The following CCDC102B variants were observed in gnomAD, a reference collection of about 807,000 sequenced individuals.
The protein encoded by CCDC102B is coiled-coil domain-containing protein 102B.
Under a neutral mutation model 57.4 loss-of-function variants are expected in CCDC102B, and 75 were observed. The ratio of observed to expected loss-of-function variants is 1.31; its 90% CI spans 1.08 to 1.58. The LOEUF is 1.58. Among genes scored for constraint, CCDC102B ranks in the 40% most tolerant of loss-of-function variants. The pLI is 0.00. For missense variants in CCDC102B, 636 were observed against 582.6 expected, an observed-to-expected ratio of 1.09 and a Z score of -0.94; for synonymous variants, 206 against 201.9, an observed-to-expected ratio of 1.02 and a Z score of -0.17.
In CCDC102B at chr18:68,807,192, A is replaced by G. The variant is rs190271969; in HGVS notation, c.-16+9011A>G. 2.6e-5 allele frequency among the ~76,000 whole-genome samples: 4 copies of G among 152,242 alleles called. No individual in the cohort carries two copies. In the East Asian group the frequency reaches 7.7e-4, roughly 29 times the overall value. ...TATTTTGATACTGAGAAGTATGTTA[A>G]AGATGGTGGCCTCTAGAAACAACTG... is the stretch of plus-strand genomic sequence containing the variant. On this transcript the variant is annotated intron_variant, in intron 1 of 7. Coordinates refer to ENST00000360242, the MANE Select transcript of CCDC102B (RefSeq NM_024781.3).
chr18:68,828,159 A>T (rs2036982040), intron 1 of CCDC102B, among the ~76,000 whole-genome samples: 3 of 151,802 alleles, frequency 2.0e-5, no homozygotes, highest in Admixed American at 2.0e-4. Flanking sequence ...TCAACAACTA[A>T]TAAAATGACT....
intron 6 of CCDC102B, among the ~76,000 whole-genome samples, chr18:68,962,361 ACT>A (rs761348702): frequency 9.9e-5 from 15 of 151,998 alleles, no homozygotes; most frequent in Middle Eastern, 3.2e-3. Flanking sequence ...CCCTTGGGTG[ACT>A]CTGACGTGTC....
intron 6 of CCDC102B, among the ~76,000 whole-genome samples, chr18:68,907,188 C>T (rs1024696017): frequency 6.6e-6 from 1 of 152,048 alleles, no homozygotes; most frequent in African/African-American, 2.4e-5. Context: ...TATCTTTATG[C>T]CAGTGCTATA....
At chr18:68,716,189 G>C (rs1247940604) in intron 1 of CCDC102B, among the ~76,000 whole-genome samples, 1 of 151,616 alleles carries the variant, frequency 6.6e-6, no homozygotes, top group Non-Finnish European at 1.5e-5. Context: ...ATGTTCTCCC[G>C]GTGGTGGTGG....
intron 3 of CCDC102B, among the ~76,000 whole-genome samples, chr18:68,841,473 G>A (rs542611276): frequency 3.3e-5 from 5 of 152,100 alleles, no homozygotes; most frequent in Non-Finnish European, 4.4e-5. Flanking sequence ...AGACTTCCCA[G>A]GTAGAAAATT....
intron 1 of CCDC102B, among the ~76,000 whole-genome samples, chr18:68,836,472 C>T (rs558562176): frequency 6.6e-6 from 1 of 151,834 alleles, no homozygotes; most frequent in South Asian, 2.1e-4. Flanking sequence ...TACTAAAATA[C>T]AAAAAATTAT....
At chr18:69,009,924 A>ATTTTTTTTTTTTTTTTTTTGTTTTTTTTT (rs2051458460) in intron 6 of CCDC102B, among the ~76,000 whole-genome samples, 1 of 33,514 alleles carries the variant, frequency 3.0e-5, no homozygotes, top group Non-Finnish European at 5.8e-5. Flanking sequence ...TTTAATAAAG[A>ATTTTTTTTTTTTTTTTTTTGTTTTTTTTT]TTTTTTTTTT....
At chr18:68,857,978 T>G (rs1376072792) in intron 4 of CCDC102B, among the ~76,000 whole-genome samples, 1 of 152,210 alleles carries the variant, frequency 6.6e-6, no homozygotes, top group African/African-American at 2.4e-5. Context: ...TTCATGCTAA[T>G]CCACTTCAGG....
chr18:68,940,015 AT>A (rs11380698), intron 6 of CCDC102B, among the ~76,000 whole-genome samples: 1 of 151,236 alleles, frequency 6.6e-6, no homozygotes, highest in Non-Finnish European at 1.5e-5. Flanking sequence ...TTTCATTTCC[AT>A]TTTTTCCAGG....
chr18:69,025,320 G>C (rs1207862541), intron 7 of CCDC102B, among the ~76,000 whole-genome samples: 1 of 152,188 alleles, frequency 6.6e-6, no homozygotes, highest in Non-Finnish European at 1.5e-5. Flanking sequence ...GCAAAAGGAT[G>C]ATGTTGCTCA....
intron 2 of CCDC102B, among the ~76,000 whole-genome samples, chr18:68,722,152 T>C (rs1357003925): frequency 3.3e-5 from 5 of 152,186 alleles, no homozygotes; most frequent in African/African-American, 1.2e-4. Context: ...CTTTGAACGC[T>C]GTTGAGGGAG....
Position 68,766,384 on chromosome 18 carries a change from G to T in CCDC102B, c.-67+49790G>T, listed in dbSNP as rs1008880742. Among the ~76,000 whole-genome samples the T allele has an allele frequency of 3.9e-5, 6 of 152,232 alleles. 1 individual carries two copies. The highest frequency in any genetic ancestry group is 3.9e-4 in the Admixed American group (6 of 15,276). ...TCCATATATCATTCCCTAAAATCAG[G>T]TCTTACAGTTTTTAGTTAATCTTTG... On this transcript the variant is annotated intron_variant, in intron 2 of 3. Transcript: ENST00000578970.
intron 4 of CCDC102B, among the ~76,000 whole-genome samples, chr18:68,867,953 A>G (rs1008883315): frequency 2.0e-5 from 3 of 152,210 alleles, no homozygotes; most frequent in Admixed American, 1.3e-4. Flanking sequence ...ACAAAAAAAA[A>G]GGGCTAGTTA....
chr18:69,032,099 C>CA (rs541851551), intron 7 of CCDC102B, among the ~76,000 whole-genome samples: 149 of 151,964 alleles, frequency 9.8e-4, no homozygotes, highest in African/African-American at 3.1e-3. Flanking sequence ...AAACTTGGGA[C>CA]AAAAAATGTC....
chr18:68,923,180 A>T (rs1187730238), intron 6 of CCDC102B, among the ~76,000 whole-genome samples: 1 of 146,984 alleles, frequency 6.8e-6, no homozygotes, highest in African/African-American at 2.5e-5. Context: ...TTTTTTTTTT[A>T]CCATTCTGTC....
At chr18:69,035,346 C>G (rs1246555191) in intron 7 of CCDC102B, among the ~76,000 whole-genome samples, 1 of 151,918 alleles carries the variant, frequency 6.6e-6, no homozygotes, top group Non-Finnish European at 1.5e-5. Context: ...TGTGAAAATC[C>G]TGTGAAATTC....
At chr18:68,966,193 C>A (rs2050162015) in intron 6 of CCDC102B, among the ~76,000 whole-genome samples, 1 of 152,224 alleles carries the variant, frequency 6.6e-6, no homozygotes, top group Admixed American at 6.5e-5. Context: ...AGTGACCCAT[C>A]TTCAAGTTTA....
chr18:68,784,805 T>G (rs565665103), intron 2 of CCDC102B, among the ~76,000 whole-genome samples: 1 of 152,190 alleles, frequency 6.6e-6, no homozygotes, highest in East Asian at 1.9e-4. Context: ...AAGCCATAGA[T>G]TATGCTATCA....
intron 4 of CCDC102B, among the ~76,000 whole-genome samples, chr18:68,854,581 G>T (rs1205348573): frequency 6.6e-6 from 1 of 152,034 alleles, no homozygotes; most frequent in Non-Finnish European, 1.5e-5. Context: ...ACTTCAATTT[G>T]CCAGGTGCAG....
Sources: allele counts gnomAD v4.1 joint callset (sites outside exome capture counted in the v4.1 genomes callset), GRCh38; gene constraint gnomAD v4.1.1; transcripts MANE v1.5; gene names NCBI Gene and HGNC (gene_info 2026-07-23, HGNC 2026-07-21).